PCDH7: variants seen among roughly 807,000 people sequenced by gnomAD.
The protein encoded by PCDH7 is protocadherin-7.
A neutral mutation model predicts 58.9 loss-of-function variants in PCDH7; 17 were observed. The observed-to-expected ratio is 0.29, with a 90% CI of 0.20 to 0.43. PCDH7 has a LOEUF of 0.43. Ranked by LOEUF, PCDH7 falls within the 20% of genes least tolerant of loss-of-function variation. The pLI is 1.00. For missense variants in PCDH7, 1,274 were observed against 1,441.0 expected (o/e 0.88, Z 1.88); for synonymous variants, 664 against 616.4 (o/e 1.08, Z -1.14).
intron 3 of PCDH7, among the ~76,000 whole-genome samples, chr4:31,081,080 G>T (rs1759459047): frequency 6.6e-6 from 1 of 152,158 alleles, no homozygotes; most frequent in Admixed American, 6.6e-5. Context: ...TCCTGGGTGT[G>T]TCTTTATTAG....
intron 3 of PCDH7, among the ~76,000 whole-genome samples, chr4:31,105,385 A>G (rs1715425013): frequency 6.6e-6 from 1 of 152,192 alleles, no homozygotes; most frequent in Admixed American, 6.5e-5. Flanking sequence ...AAATTCTGCC[A>G]GGGTATCAGT....
chr4:31,064,587 T>A (rs930325277), intron 3 of PCDH7, among the ~76,000 whole-genome samples: 1 of 152,014 alleles, frequency 6.6e-6, no homozygotes, highest in African/African-American at 2.4e-5. Flanking sequence ...TCCCAGCTTC[T>A]GTGGGTGGCA....
At chr4:31,076,392 A>C (rs574297311) in intron 3 of PCDH7, among the ~76,000 whole-genome samples, 16 of 152,206 alleles carry the variant, frequency 1.1e-4, no homozygotes, top group African/African-American at 3.9e-4. Flanking sequence ...TTAAAAATGC[A>C]TTTGTTTCAT....
intron 3 of PCDH7, among the ~76,000 whole-genome samples, chr4:31,017,369 A>C (rs2109162809): frequency 6.6e-6 from 1 of 152,308 alleles, no homozygotes; most frequent in East Asian, 1.9e-4. Context: ...CTGTAAGCTC[A>C]ATACAGCAAG....
rs139982001 is a variant in PCDH7 at position 30,798,510 on chromosome 4, T to C, written c.70+73914T>C. Among the ~76,000 whole-genome samples the C allele has an allele frequency of 5.7e-3, 861 of 152,312 alleles. 10 individuals are homozygous for C. Among genetic ancestry groups the C allele is most frequent in the African/African-American group, 0.019 (798 of 41,574 alleles). On this transcript the variant is annotated intron_variant, in intron 1 of 3. Transcript: ENST00000509759. ...ACTTCTTTAAGTTGAGGAATAAGTA[T>C]AATTAACAACAAAAGAGAAACATAT...
At chr4:31,059,361 A>G (rs1170411319) in intron 3 of PCDH7, among the ~76,000 whole-genome samples, 1 of 151,938 alleles carries the variant, frequency 6.6e-6, no homozygotes, top group East Asian at 1.9e-4. Context: ...TCTGGCAACA[A>G]TGTATGATTA....
At chr4:31,066,507 T>G (rs1308847406) in intron 3 of PCDH7, among the ~76,000 whole-genome samples, 2 of 151,916 alleles carry the variant, frequency 1.3e-5, no homozygotes, top group East Asian at 3.9e-4. Flanking sequence ...GGAATTTAGT[T>G]TGGGTGTTAT....
At chr4:31,012,545 A>T (rs1357303579) in intron 3 of PCDH7, among the ~76,000 whole-genome samples, 1 of 150,746 alleles carries the variant, frequency 6.6e-6, no homozygotes, top group African/African-American at 2.4e-5. Context: ...ATAAAAATCT[A>T]CATTTTATTT....
intron 2 of PCDH7, among the ~76,000 whole-genome samples, chr4:30,948,929 G>T (rs1210021774): frequency 6.6e-6 from 1 of 152,136 alleles, no homozygotes; most frequent in Non-Finnish European, 1.5e-5. Flanking sequence ...TAAACGAAAA[G>T]AATTATTGTT....
chr4:30,866,071 G>A (rs1218871388), intron 1 of PCDH7, among the ~76,000 whole-genome samples: 1 of 152,040 alleles, frequency 6.6e-6, no homozygotes, highest in African/African-American at 2.4e-5. Context: ...CTCCACTCCT[G>A]TCTTTTTAAA....
At chr4:31,111,699 C>T (rs974006181) in intron 3 of PCDH7, among the ~76,000 whole-genome samples, 2 of 152,194 alleles carry the variant, frequency 1.3e-5, no homozygotes, top group African/African-American at 2.4e-5. Context: ...ATTGTAGACA[C>T]TCTAAGAACA....
chr4:30,969,773 T>C (rs138433708), intron 3 of PCDH7, among the ~76,000 whole-genome samples: 16 of 152,294 alleles, frequency 1.1e-4, no homozygotes, highest in African/African-American at 3.4e-4. Context: ...AAAGTTTTTA[T>C]TTTCTGGTTT....
At position 31,066,681 on chromosome 4, in the gene PCDH7, G is replaced by T. The variant is rs184764657; in HGVS notation, c.*8-75792G>T. Reference sequence around the variant, plus strand: ...TGCTATAATGCTTGATTTTAAATAGGGTTTAATATATTTTGGTCATGCCAT... The same window carrying T: ...TGCTATAATGCTTGATTTTAAATAGTGTTTAATATATTTTGGTCATGCCAT... On this transcript the variant is annotated intron_variant, in intron 3 of 3. Coordinates refer to the PCDH7 transcript ENST00000509759. 1.7e-3 allele frequency among the ~76,000 whole-genome samples: 262 copies of T among 151,682 alleles called. 5 individuals carry two copies. The highest frequency in any genetic ancestry group is 3.4e-4 in the Non-Finnish European group (23 of 67,834).
chr4:30,999,541 A>G (rs1295128274), intron 3 of PCDH7, among the ~76,000 whole-genome samples: 1 of 152,158 alleles, frequency 6.6e-6, no homozygotes, highest in Non-Finnish European at 1.5e-5. Context: ...ACAGCCTCAT[A>G]TAGTTTCCTG....
chr4:30,960,092 A>G (rs912559678), intron 3 of PCDH7, among the ~76,000 whole-genome samples: 8 of 131,536 alleles, frequency 6.1e-5, no homozygotes, highest in African/African-American at 8.5e-5. Context: ...GAAGGAAGGA[A>G]GGAAGGAAGA....
Position 30,820,612 on chromosome 4 carries a change from T to C in PCDH7, c.70+96016T>C, listed in dbSNP as rs150122249. Among the ~76,000 whole-genome samples the C allele has an allele frequency of 3.9e-3, 596 of 152,230 alleles. 3 individuals carry two copies. The highest frequency in any genetic ancestry group is 0.014 in the African/African-American group (570 of 41,554). ...AAAACTGAAGTAAACAACACTAGTT[T>C]TTTTTTTAAGGAATGAAGAAGTTTT... On this transcript the variant is annotated intron_variant, in intron 1 of 3. Coordinates refer to the PCDH7 transcript ENST00000509759.
At chr4:31,082,883 C>A (rs188235636) in intron 3 of PCDH7, among the ~76,000 whole-genome samples, 1 of 152,022 alleles carries the variant, frequency 6.6e-6, no homozygotes, top group Non-Finnish European at 1.5e-5. Context: ...CCAAGGTGGG[C>A]GGATCACGAG....
chr4:31,112,116 C>A (rs1245968325), intron 3 of PCDH7, among the ~76,000 whole-genome samples: 1 of 152,158 alleles, frequency 6.6e-6, no homozygotes, highest in Non-Finnish European at 1.5e-5. Flanking sequence ...CTTGAAATTT[C>A]TTTCAATCCC....
intron 1 of PCDH7, among the ~76,000 whole-genome samples, chr4:30,791,778 C>G (rs935440349): frequency 3.3e-5 from 5 of 152,174 alleles, no homozygotes; most frequent in African/African-American, 1.2e-4. Context: ...AATCAAATCT[C>G]TGTCACAAAC....
Sources: allele counts gnomAD v4.1 joint callset (sites outside exome capture counted in the v4.1 genomes callset), GRCh38; gene constraint gnomAD v4.1.1; transcripts MANE v1.5; gene names NCBI Gene and HGNC (gene_info 2026-07-23, HGNC 2026-07-21).